The following RPH3A variants were observed in gnomAD, a reference collection of about 807,000 sequenced individuals.
RPH3A encodes the protein rabphilin 3A.
Under a neutral mutation model 102.2 loss-of-function variants are expected in RPH3A, and 48 were observed. That is an observed-to-expected ratio of 0.47 (90% CI 0.37 to 0.60). The LOEUF is 0.60. RPH3A is among the 20% of genes least tolerant of loss of function. The pLI is 0.00. For synonymous variants in RPH3A, 310 were observed against 324.3 expected, an observed-to-expected ratio of 0.96 and a Z score of 0.47; for missense variants, 781 against 910.1, an observed-to-expected ratio of 0.86 and a Z score of 1.83.
At chr12:112,786,894 G>A (rs1005537105), upstream of RPH3A, among the ~76,000 whole-genome samples, 3 of 152,120 alleles carry the variant, frequency 2.0e-5, no homozygotes, top group African/African-American at 7.2e-5. Context: ...TTTAACCAAG[G>A]TGTCAGCAGT....
intron 1 of RPH3A, among the ~76,000 whole-genome samples, chr12:112,777,034 A>G (rs1479249878): frequency 1.3e-5 from 2 of 152,212 alleles, no homozygotes. Context: ...GAGCTACAAA[A>G]TTACATTGCA....
chr12:112,720,500 C>T (rs1376303996), intron 1 of RPH3A, among the ~76,000 whole-genome samples: 2 of 152,120 alleles, frequency 1.3e-5, no homozygotes, highest in Non-Finnish European at 2.9e-5. Context: ...TTATGATAAC[C>T]AGGAGACAGT....
intron 16 of RPH3A, among the ~76,000 whole-genome samples, chr12:112,884,555 T>G (rs1350387440): frequency 6.6e-6 from 1 of 152,196 alleles, no homozygotes; most frequent in African/African-American, 2.4e-5. Context: ...CTTTTTTCTA[T>G]TACAAACAAA....
At position 112,609,305 on chromosome 12, in the gene RPH3A, T is replaced by C. The variant is rs755542182; in HGVS notation, c.-140+33986T>C. Among the ~76,000 whole-genome samples the C allele has an allele frequency of 7.2e-5, 11 of 152,306 alleles. 1 individual carries two copies. In the South Asian group the frequency reaches 2.1e-3, roughly 29 times the overall value. ...CTGGTCTCAAATGCCTGGCCTCAAGTGATCCTCCCATCTTAGCCTCCTCAG... is the reference window on the plus strand; with the variant it reads ...CTGGTCTCAAATGCCTGGCCTCAAGCGATCCTCCCATCTTAGCCTCCTCAG... On this transcript the variant is annotated intron_variant, in intron 1 of 21. Coordinates refer to the RPH3A transcript ENST00000543106.
intron 2 of RPH3A, among the ~76,000 whole-genome samples, chr12:112,793,084 G>T (rs951986843): frequency 6.6e-6 from 1 of 152,162 alleles, no homozygotes; most frequent in Non-Finnish European, 1.5e-5. Flanking sequence ...CTTCAGTTTT[G>T]TTCCAGGGTA....
intron 1 of RPH3A, among the ~76,000 whole-genome samples, chr12:112,700,569 T>G (rs2040386617): frequency 6.6e-6 from 1 of 152,202 alleles, no homozygotes; most frequent in South Asian, 2.1e-4. Context: ...TATCCCTCTA[T>G]GGGAATTACA....
Position 112,593,871 on chromosome 12 carries a change from C to T in RPH3A, c.-140+18552C>T, listed in dbSNP as rs553611732. Among the ~76,000 whole-genome samples, 7 of 152,310 alleles carry T rather than the reference C, an allele frequency of 4.6e-5. No individual in the cohort carries two copies. In the South Asian group the frequency reaches 1.5e-3, roughly 32 times the overall value. ...ATGCCACCTCCTCAGGGAAGCCTTC[C>T]TTGATCACTAGACTGGATTAGTTGT... On this transcript the variant is annotated intron_variant, in intron 1 of 21. Coordinates refer to the RPH3A transcript ENST00000543106.
At chr12:112,794,807 C>G (rs2041197930) in intron 2 of RPH3A, among the ~76,000 whole-genome samples, 1 of 152,136 alleles carries the variant, frequency 6.6e-6, no homozygotes, top group Admixed American at 6.5e-5. Flanking sequence ...TTATGAAGAC[C>G]AAGGCATCAT....
intron 1 of RPH3A, among the ~76,000 whole-genome samples, chr12:112,769,667 G>T (rs1010498325): frequency 6.6e-6 from 1 of 152,186 alleles, no homozygotes; most frequent in Non-Finnish European, 1.5e-5. Flanking sequence ...GTAGTGGAAA[G>T]AACTCTTAGA....
At position 112,672,038 on chromosome 12, in the gene RPH3A, T is replaced by A. The variant is rs1182064508; in HGVS notation, c.-140+96719T>A. ...TTTAGTGACTTAAATATATATATAT[T>A]TATATATATATATATGAGAGAGATT... On this transcript the variant is annotated intron_variant, in intron 1 of 21. Transcript: ENST00000543106. Among the ~76,000 whole-genome samples the A allele has an allele frequency of 8.7e-5, 13 of 148,586 alleles. No individual in the cohort carries two copies. The South Asian group carries it at 1.7e-3, about 19-fold the overall frequency.
intron 4 of RPH3A, among the ~76,000 whole-genome samples, chr12:112,847,381 C>T (rs1488252840): frequency 3.3e-5 from 5 of 152,198 alleles, no homozygotes; most frequent in Admixed American, 3.3e-4. Context: ...TTCAGACTTC[C>T]TGTCCTGAAT....
chr12:112,820,337 C>T (rs956739883), intron 2 of RPH3A, among the ~76,000 whole-genome samples: 3 of 152,160 alleles, frequency 2.0e-5, no homozygotes, highest in Non-Finnish European at 2.9e-5. Context: ...CCAAGTACCA[C>T]GTTTTCTTTC....
At chr12:112,768,433 C>A (rs924158110) in intron 1 of RPH3A, among the ~76,000 whole-genome samples, 1 of 152,226 alleles carries the variant, frequency 6.6e-6, no homozygotes, top group Admixed American at 6.5e-5. Context: ...TCTGCTCCAG[C>A]CATGTTGGCC....
chr12:112,894,302 C>A (rs1415005205), intron 19 of RPH3A: 2 of 479,546 alleles, frequency 4.2e-6, no homozygotes, highest in Non-Finnish European at 7.3e-6. Context: ...TGAGCTAGGG[C>A]ACACTTCTGC....
chr12:112,668,476 C>A (rs567392519), intron 1 of RPH3A, among the ~76,000 whole-genome samples: 11 of 152,182 alleles, frequency 7.2e-5, no homozygotes, highest in African/African-American at 2.6e-4. Context: ...GAATAGCATG[C>A]AGCCTTAAAA....
intron 1 of RPH3A, among the ~76,000 whole-genome samples, chr12:112,663,437 C>A (rs780619623): frequency 1.2e-4 from 18 of 152,076 alleles, no homozygotes; most frequent in Non-Finnish European, 2.5e-4. Flanking sequence ...TGGTCTTGAA[C>A]TCCTGGACTC....
chr12:112,868,878 C>G (rs1271277353), intron 8 of RPH3A: 1 of 300,300 alleles, frequency 3.3e-6, no homozygotes, highest in Non-Finnish European at 6.1e-6. Flanking sequence ...AAATTAGGAA[C>G]TGAGAGAGAC....
At chr12:112,799,938 A>C (rs764258454) in intron 2 of RPH3A, among the ~76,000 whole-genome samples, 1 of 152,170 alleles carries the variant, frequency 6.6e-6, no homozygotes, top group Non-Finnish European at 1.5e-5. Flanking sequence ...CAGGGACCAC[A>C]CTGTGAGAAC....
At chr12:112,632,165 C>T (rs1450734613) in intron 1 of RPH3A, among the ~76,000 whole-genome samples, 7 of 152,296 alleles carry the variant, frequency 4.6e-5, no homozygotes, top group East Asian at 1.9e-4. Context: ...CCATGTAAGA[C>T]GTGACTTGCT....
Sources: gnomAD v4.1 joint callset for allele counts (sites outside exome capture counted in the v4.1 genomes callset) on GRCh38, gnomAD v4.1.1 for gene constraint, MANE v1.5 for transcripts, NCBI Gene and HGNC (gene_info 2026-07-23, HGNC 2026-07-21) for gene names.